WWC2: variants seen among roughly 807,000 people sequenced by gnomAD.
WWC2 encodes the protein protein WWC2.
Under a neutral mutation model 138.5 loss-of-function variants are expected in WWC2, and 101 were observed. The ratio of observed to expected loss-of-function variants is 0.73; its 90% confidence interval spans 0.62 to 0.86. The LOEUF (loss-of-function observed/expected upper bound fraction) is 0.86, where lower values mean the gene tolerates loss of function less well. Ranked by LOEUF, WWC2 falls within the 40% of genes least tolerant of loss-of-function variation. The pLI is 0.00. For synonymous variants in WWC2, 558 were observed against 538.4 expected (o/e 1.04, Z -0.50); for missense variants, 1,420 against 1,419.4 (o/e 1.00, Z -0.01).
chr4:183,282,945 A>C lies in WWC2; in HGVS notation c.2883+39A>C, dbSNP rs1350916144. 5.3e-6 allele frequency: 8 copies of C among 1,521,458 alleles called. No individual in the cohort carries two copies. In the Admixed American group the frequency reaches 6.2e-5, roughly 12 times the overall value. 94.2% of individuals were successfully genotyped at this position (1,521,458 alleles called of 1,614,324 possible). A position where few individuals can be genotyped will look rare whatever the true frequency, so the allele number is the denominator to read the frequency against. ...TGTGCTGTCTTAAAACTGATACCTT[A>C]CAGGCACCATGTGGACTAGGGAGAT... On this transcript the variant is annotated intron_variant, in intron 18 of 22. Transcript: ENST00000403733.
chr4:183,280,679 G>A lies in WWC2; in HGVS notation c.2563-97G>A, dbSNP rs148808665. 248 of 1,317,562 alleles carry A rather than the reference G, an allele frequency of 1.9e-4. 1 individual carries two copies. In the African/African-American group the frequency reaches 2.9e-3, roughly 15 times the overall value. The allele number at this position is 1,317,562 out of a possible 1,614,324, so 81.6% of individuals were successfully genotyped here. Reference sequence around the variant, plus strand: ...TTGTTTTCAGCAGGAGAGTTGAGTCGTCTTTACAGATAGAAGTGTAAATTC... The same window carrying A: ...TTGTTTTCAGCAGGAGAGTTGAGTCATCTTTACAGATAGAAGTGTAAATTC... On this transcript the variant is annotated intron_variant, in intron 16 of 22. Transcript: ENST00000403733.
chr4:183,164,317 ATAC>A (rs1734055676), intron 1 of WWC2, among the ~76,000 whole-genome samples: 4 of 216 alleles, frequency 0.019, no homozygotes, highest in African/African-American at 0.029. Context: ...TATATTATAT[ATAC>A]ATATATATAT....
intron 1 of WWC2, among the ~76,000 whole-genome samples, chr4:183,130,467 A>T (rs1732893378): frequency 6.6e-6 from 1 of 152,148 alleles, no homozygotes; most frequent in South Asian, 2.1e-4. Flanking sequence ...CAAACTTTGG[A>T]TGTGTTCAGT....
chr4:183,260,759 G>A (rs1184458567), intron 10 of WWC2, 151 bp from the exon 11 acceptor site: 5 of 1,054,278 alleles, frequency 4.7e-6, no homozygotes, highest in Non-Finnish European at 6.7e-6. Context: ...CTGACACACG[G>A]CCGTAATATA....
At chr4:183,294,170 G>A (rs191435838) in intron 21 of WWC2, among the ~76,000 whole-genome samples, 42 of 152,182 alleles carry the variant, frequency 2.8e-4, no homozygotes, top group African/African-American at 9.6e-4. Flanking sequence ...CAAAAACAGG[G>A]CAGGCCATAG....
At chr4:183,204,177 T>C (rs1462272412) in intron 2 of WWC2, among the ~76,000 whole-genome samples, 1 of 152,224 alleles carries the variant, frequency 6.6e-6, no homozygotes, top group Non-Finnish European at 1.5e-5. Context: ...CCTCAGAGTT[T>C]GCCCTACCTG....
At chr4:183,315,423 A>G (rs1379471214) in intron 22 of WWC2, among the ~76,000 whole-genome samples, 1 of 152,032 alleles carries the variant, frequency 6.6e-6, no homozygotes, top group African/African-American at 2.4e-5. Context: ...CCTGAAGGGA[A>G]CTTACGGGCT....
chr4:183,177,587 A>C (rs1734502948), intron 1 of WWC2, among the ~76,000 whole-genome samples: 1 of 152,208 alleles, frequency 6.6e-6, no homozygotes, highest in Admixed American at 6.5e-5. Flanking sequence ...ATATATAAAA[A>C]AGTGAACATT....
chr4:183,262,603 T>G (rs2111360995), intron 11 of WWC2, among the ~76,000 whole-genome samples: 1 of 152,284 alleles, frequency 6.6e-6, no homozygotes, highest in East Asian at 1.9e-4. Context: ...CATGAGACAT[T>G]TGTGTGGTTT....
intron 1 of WWC2, among the ~76,000 whole-genome samples, chr4:183,178,933 C>G (rs1473993921): frequency 6.6e-6 from 1 of 151,992 alleles, no homozygotes. Flanking sequence ...AGGGCTCATT[C>G]AAGGATATTC....
intron 1 of WWC2, among the ~76,000 whole-genome samples, chr4:183,186,438 G>A (rs1299764402): frequency 6.6e-6 from 1 of 152,158 alleles, no homozygotes; most frequent in African/African-American, 2.4e-5. Flanking sequence ...GCCTCCTAAA[G>A]TCCTCCTGTT....
intron 17 of WWC2, chr4:183,281,228 T>C (rs1233800362): frequency 2.7e-6 from 1 of 367,528 alleles, no homozygotes; most frequent in Non-Finnish European, 4.8e-6. Context: ...ATTTTAAAAG[T>C]GACTCTATTT....
chr4:183,250,873 C>T (rs953707533), intron 8 of WWC2, among the ~76,000 whole-genome samples: 1 of 152,086 alleles, frequency 6.6e-6, no homozygotes, highest in Non-Finnish European at 1.5e-5. Flanking sequence ...GAAGTATATT[C>T]CTTATTATTG....
intron 4 of WWC2, among the ~76,000 whole-genome samples, chr4:183,232,919 A>G (rs986721893): frequency 6.6e-6 from 1 of 151,968 alleles, no homozygotes; most frequent in South Asian, 2.1e-4. Flanking sequence ...AAGTGCTGGG[A>G]TTGTAGGCGT....
chr4:183,290,061 A>G (rs1738394457), intron 21 of WWC2, among the ~76,000 whole-genome samples: 1 of 152,186 alleles, frequency 6.6e-6, no homozygotes, highest in African/African-American at 2.4e-5. Flanking sequence ...AAGGTTCATT[A>G]ACCACATCAA....
intron 21 of WWC2, among the ~76,000 whole-genome samples, chr4:183,292,620 T>C (rs1484297971): frequency 6.8e-6 from 1 of 146,410 alleles, no homozygotes; most frequent in African/African-American, 2.5e-5. Context: ...AAAAAAAAAA[T>C]GGAAGCAGTG....
chr4:183,139,498 T>C (rs530599792), intron 1 of WWC2, among the ~76,000 whole-genome samples: 1 of 152,274 alleles, frequency 6.6e-6, no homozygotes, highest in South Asian at 2.1e-4. Flanking sequence ...ATTCCACCAG[T>C]AGATCAGGCC....
At position 183,319,781 on chromosome 4, in the gene WWC2, C is replaced by T. The variant is rs1211885802; in HGVS notation, c.*4052C>T. On this transcript the variant is annotated 3_prime_UTR_variant, in exon 23 of 23. Transcript: ENST00000403733. ...CTGGGACGTTCTCATCCCAGAACTC[C>T]TGAACCGTCTTGTGGGCAACCCAAG... The T allele has an allele frequency of 6.2e-7, 1 of 1,613,904 alleles. No individual in the cohort carries two copies. Among genetic ancestry groups the T allele is most frequent in the African/African-American group, 1.3e-5 (1 of 74,904 alleles).
chr4:183,167,123 T>G (rs1655813940), intron 1 of WWC2, among the ~76,000 whole-genome samples: 1 of 152,186 alleles, frequency 6.6e-6, no homozygotes, highest in Non-Finnish European at 1.5e-5. Context: ...AACACAGAAT[T>G]TTCATATGGC....
Sources: allele counts gnomAD v4.1 joint callset (sites outside exome capture counted in the v4.1 genomes callset), GRCh38; gene constraint gnomAD v4.1.1; transcripts MANE v1.5; gene names NCBI Gene and HGNC (gene_info 2026-07-23, HGNC 2026-07-21).